The following EHMT2 variants were observed in gnomAD, a reference collection of about 807,000 sequenced individuals.
EHMT2 encodes euchromatic histone lysine methyltransferase 2, also known as histone-lysine N-methyltransferase EHMT2.
Under a neutral mutation model 143.3 loss-of-function variants are expected in EHMT2, and 59 were observed. That is an observed-to-expected ratio of 0.41 (90% confidence interval 0.33 to 0.51). The LOEUF (loss-of-function observed/expected upper bound fraction) is 0.51, where lower values mean the gene tolerates loss of function less well. Among genes scored for constraint, EHMT2 ranks in the 20% least tolerant of loss-of-function variants. EHMT2 has a pLI of 0.18. For synonymous variants in EHMT2, 604 were observed against 651.5 expected, an observed-to-expected ratio of 0.93 and a Z score of 1.11; for missense variants, 1,174 against 1,645.9, an observed-to-expected ratio of 0.71 and a Z score of 4.96.
Position 31,884,656 on chromosome 6 carries a change from A to G in EHMT2, c.2592T>C (p.His864=). 6.3e-7 allele frequency: 1 copy of G among 1,584,116 alleles called. No individual in the cohort carries two copies. Among genetic ancestry groups the G allele is most frequent in the South Asian group, 1.1e-5 (1 of 87,330 alleles). The change falls in exon 20 of 28, where the codon CAT becomes CAC. Residue 864 remains histidine, a synonymous_variant. Transcript: ENST00000375537. The surrounding 1 kb of genome is among the most constrained non-coding windows in gnomAD (Gnocchi z 7.3). ...GGGCAGGGGCTCACAGCACGCAGTC[A>G]TGGTAGCTCTCCCGAGCTGCGATGT...
chr6:31,888,750 T>C lies in EHMT2; in HGVS notation c.1217-3A>G. 1 of 1,612,486 alleles carries C rather than the reference T, an allele frequency of 6.2e-7. No homozygotes were observed. The highest frequency in any genetic ancestry group is 2.2e-5 in the East Asian group (1 of 44,872). On this transcript the variant is annotated splice_region_variant and splice_polypyrimidine_tract_variant and intron_variant, in intron 10 of 27. Transcript: ENST00000375537. This position sits in a 1 kb window ranked among gnomAD's most constrained non-coding sequence, Gnocchi z 7.4. ...CGAAGATGTGTCATTGGACACCCCT[T>C]GGATGGAGGAAAAGAGGAGCTGAGG...
chr6:31,888,222 C>T lies in EHMT2; in HGVS notation c.1564G>A (p.Ala522Thr), dbSNP rs933907455. ...ATCCCATTCAGCTGAGACACACAGGCCTTGTGGAAGCGGTGGGCCACACGG... is the reference window on the plus strand; with the variant it reads ...ATCCCATTCAGCTGAGACACACAGGTCTTGTGGAAGCGGTGGGCCACACGG... Residue 522 changes from alanine (A) to threonine (T), a missense_variant, in exon 13 of 28, where the codon GCC becomes ACC. Around this residue, in one of 6 missense-constraint regions of EHMT2, gnomAD observed 608 missense variants for 903.7 expected, o/e 0.67. Transcript: ENST00000375537. The surrounding 1 kb of genome is among the most constrained non-coding windows in gnomAD (Gnocchi z 7.4). The T allele has an allele frequency of 6.2e-7, 1 of 1,613,012 alleles. No homozygotes were observed. Among genetic ancestry groups the T allele is most frequent in the Non-Finnish European group, 8.5e-7 (1 of 1,179,998 alleles).
In EHMT2 at chr6:31,881,335, T is replaced by C; in HGVS notation, c.3198-243A>G. The C allele has an allele frequency of 3.4e-6, 2 of 589,216 alleles. No individual in the cohort carries two copies. Among genetic ancestry groups the C allele is most frequent in the South Asian group, 2.0e-5 (1 of 50,004 alleles). 36.5% of individuals were successfully genotyped at this position (589,216 alleles called of 1,614,324 possible). On this transcript the variant is annotated intron_variant, in intron 25 of 27. Transcript: ENST00000375537. This position sits in a 1 kb window ranked among gnomAD's most constrained non-coding sequence, Gnocchi z 4.8. ...CTCTGTGGTTAAGGGGATTAATGTG[T>C]AGGGGCAGTTGGCCTGGGTGGGGAA...
In EHMT2 at chr6:31,888,655, G is replaced by A. The variant is rs1381571029; in HGVS notation, c.1309C>T (p.Arg437Cys). 2.5e-6 allele frequency: 4 copies of A among 1,613,590 alleles called. No homozygotes were observed. Among genetic ancestry groups the A allele is most frequent in the Non-Finnish European group, 3.4e-6 (4 of 1,180,020 alleles). ...TTGTGCCCCGCCCTCTCGCTGATGC[G>A]GTCAATCTTGGGTGCCTCCATGCGG... The change falls in exon 11 of 28, where the codon CGC becomes TGC. Residue 437 changes from arginine to cysteine, a missense_variant. By Grantham distance (180) the Arg-to-Cys change is radical. Coordinates refer to ENST00000375537, the Ensembl canonical transcript of EHMT2. This position sits in a 1 kb window ranked among gnomAD's most constrained non-coding sequence, Gnocchi z 7.4.
At chr6:31,894,535 G>A (rs560753509) in intron 4 of EHMT2, among the ~76,000 whole-genome samples, 123 of 152,184 alleles carry the variant, frequency 8.1e-4, no homozygotes, top group African/African-American at 2.9e-3. Context: ...CTCCCGCCTC[G>A]GCCTCCAAAG....
At position 31,889,156 on chromosome 6, in the gene EHMT2, T is replaced by G; in HGVS notation, c.1114+72A>C. ...ATGCAGGTGGACATGCGAGAGCGTGTGTGTGCGTGCACACACTCTGGGGGG... is the reference window on the plus strand; with the variant it reads ...ATGCAGGTGGACATGCGAGAGCGTGGGTGTGCGTGCACACACTCTGGGGGG... On this transcript the variant is annotated intron_variant, in intron 9 of 27. Transcript: ENST00000375537. This position sits in a 1 kb window ranked among gnomAD's most constrained non-coding sequence, Gnocchi z 5.1. 1 of 1,545,028 alleles carries G rather than the reference T, an allele frequency of 6.5e-7. No individual in the cohort carries two copies. The highest frequency in any genetic ancestry group is 8.8e-7 in the Non-Finnish European group (1 of 1,136,812).
In EHMT2 at chr6:31,888,809, C is replaced by G; in HGVS notation, c.1217-62G>C. On this transcript the variant is annotated intron_variant, in intron 10 of 27. Coordinates refer to ENST00000375537, the Ensembl canonical transcript of EHMT2. The surrounding 1 kb of genome is among the most constrained non-coding windows in gnomAD (Gnocchi z 7.4). ...GCACCTCACCTACTGGGACCCCTGG[C>G]GGGTCCTCTCACTCCCTCCCTACCC... 6.3e-7 allele frequency: 1 copy of G among 1,584,432 alleles called. No homozygotes were observed. The highest frequency in any genetic ancestry group is 8.6e-7 in the Non-Finnish European group (1 of 1,166,496).
chr6:31,893,604 C>A, intron 4 of EHMT2: 1 of 256,458 alleles, frequency 3.9e-6, no homozygotes, highest in Non-Finnish European at 8.0e-6. Flanking sequence ...GCGTGAGTCA[C>A]TGGGCCTGGC....
Position 31,892,745 on chromosome 6 carries a change from A to G in EHMT2, c.668-11T>C, listed in dbSNP as rs751458507. On this transcript the variant is annotated splice_polypyrimidine_tract_variant and intron_variant, in intron 5 of 27. Coordinates refer to ENST00000375537, the Ensembl canonical transcript of EHMT2. ...TCCTTTTGGCCAGATCTGGAAGAAG[A>G]GAGAGAATGGTGTGGGGCCTATCAC... The G allele has an allele frequency of 5.6e-6, 9 of 1,612,924 alleles. No homozygotes were observed. In the Admixed American group the frequency reaches 1.5e-4, roughly 27 times the overall value.
chr6:31,890,406 G>A (rs1467718768), intron 7 of EHMT2, among the ~76,000 whole-genome samples: 3 of 151,740 alleles, frequency 2.0e-5, no homozygotes, highest in Non-Finnish European at 2.9e-5. Context: ...ATAGGCACCC[G>A]CCACCACACC....
Position 31,881,152 on chromosome 6 carries a change from G to T in EHMT2, c.3198-60C>A. 1 of 1,431,294 alleles carries T rather than the reference G, an allele frequency of 7.0e-7. No individual in the cohort carries two copies. The highest frequency in any genetic ancestry group is 9.8e-7 in the Non-Finnish European group (1 of 1,016,434). The allele number at this position is 1,431,294 out of a possible 1,614,324, so 88.7% of individuals were successfully genotyped here. ...TGTGGGCTATTAGGAGGTGGCTCCAGGCCCCATCTCTCTTCACAAGCCTGT... is the reference window on the plus strand; with the variant it reads ...TGTGGGCTATTAGGAGGTGGCTCCATGCCCCATCTCTCTTCACAAGCCTGT... On this transcript the variant is annotated intron_variant, in intron 25 of 27. Coordinates refer to ENST00000375537, the Ensembl canonical transcript of EHMT2. This position sits in a 1 kb window ranked among gnomAD's most constrained non-coding sequence, Gnocchi z 4.8.
chr6:31,896,888 A>G (rs1766564163), intron 2 of EHMT2, 35 bp downstream of exon 2: 1 of 1,611,342 alleles, frequency 6.2e-7, no homozygotes, highest in Admixed American at 1.7e-5. Context: ...AGGGAAGGTG[A>G]CGGTCCAATT....
In EHMT2 at chr6:31,881,229, C is replaced by T. The variant is rs903476998; in HGVS notation, c.3198-137G>A. On this transcript the variant is annotated intron_variant, in intron 25 of 27. Coordinates refer to ENST00000375537, the Ensembl canonical transcript of EHMT2. This position sits in a 1 kb window ranked among gnomAD's most constrained non-coding sequence, Gnocchi z 4.8. ...GGTGTGGGGAAGGGAAGGCCTGGAGCAGCAGTGGTGGGCAAGTGAAAGGGC... is the reference window on the plus strand; with the variant it reads ...GGTGTGGGGAAGGGAAGGCCTGGAGTAGCAGTGGTGGGCAAGTGAAAGGGC... The T allele has an allele frequency of 5.2e-6, 4 of 765,816 alleles. No individual in the cohort carries two copies. The highest frequency in any genetic ancestry group is 1.9e-5 in the Admixed American group (1 of 51,374). 47.4% of individuals were successfully genotyped at this position (765,816 alleles called of 1,614,324 possible).
At position 31,882,550 on chromosome 6, in the gene EHMT2, AG is replaced by A. The variant is rs1024203980; in HGVS notation, c.3197+148del. Reference sequence around the variant, plus strand: ...CAGAGGCGGCTGGCTGCTCAGCTGCAGGAATAGGGGTCAGAGGAGGCTGGCT... The same window carrying A: ...CAGAGGCGGCTGGCTGCTCAGCTGCAGAATAGGGGTCAGAGGAGGCTGGCT... On this transcript the variant is annotated intron_variant, in intron 25 of 27. Coordinates refer to ENST00000375537, the Ensembl canonical transcript of EHMT2. 5 of 774,594 alleles carry A rather than the reference AG, an allele frequency of 6.5e-6. No individual in the cohort carries two copies. In the Admixed American group the frequency reaches 6.9e-5, roughly 11 times the overall value. 48.0% of individuals were successfully genotyped at this position (774,594 alleles called of 1,614,324 possible).
intron 15 of EHMT2, 85 bp downstream of exon 15, chr6:31,887,492 C>T (rs1334997597): frequency 1.1e-5 from 13 of 1,236,500 alleles, no homozygotes; most frequent in African/African-American, 4.5e-5. Context: ...GTGTCCTTCA[C>T]GACTGTACTC....
At position 31,896,258 on chromosome 6, in the gene EHMT2, C is replaced by T. The variant is rs1456789461; in HGVS notation, c.582+5G>A. 3.7e-6 allele frequency: 6 copies of T among 1,609,532 alleles called. No individual in the cohort carries two copies. Among genetic ancestry groups the T allele is most frequent in the African/African-American group, 2.7e-5 (2 of 74,840 alleles). On this transcript the variant is annotated splice_donor_5th_base_variant and intron_variant, in intron 4 of 27. Coordinates refer to ENST00000375537, the Ensembl canonical transcript of EHMT2. ...TGATTATCCCATCTCTCCCATCCCA[C>T]TCACCTGTCCATTTCCTGGTTTGGA... is the stretch of plus-strand genomic sequence containing the variant.
Position 31,888,882 on chromosome 6 carries a change from G to C in EHMT2, c.1216+87C>G, listed in dbSNP as rs1470090053. On this transcript the variant is annotated intron_variant, in intron 10 of 27. Transcript: ENST00000375537. The surrounding 1 kb of genome is among the most constrained non-coding windows in gnomAD (Gnocchi z 7.4). ...CCTAAAGCCTGGCCATGGACACCCC[G>C]GCTCTGGCGTGGTTCCCCTCCTTCC... 2.2e-6 allele frequency: 3 copies of C among 1,386,880 alleles called. No homozygotes were observed. The highest frequency in any genetic ancestry group is 2.9e-5 in the African/African-American group (2 of 69,262). 85.9% of individuals were successfully genotyped at this position (1,386,880 alleles called of 1,614,324 possible).
At chr6:31,892,257 G>T in intron 7 of EHMT2, 150 bp downstream of exon 7, 1 of 858,732 alleles carries the variant, frequency 1.2e-6, no homozygotes, top group Non-Finnish European at 1.7e-6. Flanking sequence ...ACAAAAAAAA[G>T]GAGTTATAGA....
chr6:31,881,216 G>C lies in EHMT2; in HGVS notation c.3198-124C>G. The C allele has an allele frequency of 2.4e-6, 2 of 835,580 alleles. No homozygotes were observed. Among genetic ancestry groups the C allele is most frequent in the Non-Finnish European group, 4.0e-6 (2 of 494,748 alleles). The allele number at this position is 835,580 out of a possible 1,614,324, so 51.8% of individuals were successfully genotyped here. On this transcript the variant is annotated intron_variant, in intron 25 of 27. Transcript: ENST00000375537. The surrounding 1 kb of genome is among the most constrained non-coding windows in gnomAD (Gnocchi z 4.8). The stretch of plus-strand genomic sequence containing the variant: ...GGCAGGGCTGGCAGGTGTGGGGAAG[G>C]GAAGGCCTGGAGCAGCAGTGGTGGG...
Sources: gnomAD v4.1 joint callset for allele counts (sites outside exome capture counted in the v4.1 genomes callset) on GRCh38, gnomAD v4.1.1 for gene constraint, gnomAD v4.1.1 regional missense constraint, Gnocchi (gnomAD v3.1) non-coding constraint, MANE v1.5 for transcripts, NCBI Gene and HGNC (gene_info 2026-07-23, HGNC 2026-07-21) for gene names.